The following INSL6 variants were observed in gnomAD, a reference collection of about 807,000 sequenced individuals.
INSL6 encodes insulin like 6.
Under a neutral mutation model 9.4 loss-of-function variants are expected in INSL6, and 16 were observed. The observed-to-expected ratio is 1.70, with a 90% CI of 1.15 to 2.59. INSL6 has a LOEUF of 2.59. Among genes scored for constraint, INSL6 ranks in the 30% most tolerant of loss-of-function variants. The probability of loss-of-function intolerance (pLI) is 0.00; values close to 1 mark genes in which losing one functional copy is unlikely to be tolerated. For synonymous variants in INSL6, 154 were observed against 96.9 expected, an observed-to-expected ratio of 1.59 and a Z score of -3.46; for missense variants, 391 against 257.3, an observed-to-expected ratio of 1.52 and a Z score of -3.56.
chr9:5,166,413 G>T (rs1360845183), intron 1 of INSL6, among the ~76,000 whole-genome samples: 1 of 151,942 alleles, frequency 6.6e-6, no homozygotes, highest in Non-Finnish European at 1.5e-5. Context: ...TTAAAAAGTT[G>T]CTTGTTTAAA....
At chr9:5,035,689 G>T in the INSL6 span, among the ~76,000 whole-genome samples, 1 of 152,198 alleles carries the variant, frequency 6.6e-6, no homozygotes, top group Non-Finnish European at 1.5e-5. Context: ...AACCCTTCAT[G>T]CTAAAAACTC....
chr9:5,143,235 AT>A (rs61635617), intron 2 of INSL6, among the ~76,000 whole-genome samples: 16,107 of 144,132 alleles, frequency 0.11, 2,617 homozygotes, highest in African/African-American at 0.36. Context: ...CTTCTCCTCA[AT>A]TTTTTTTTTT....
chr9:5,084,250 G>T, the INSL6 span, among the ~76,000 whole-genome samples: 1 of 152,026 alleles, frequency 6.6e-6, no homozygotes, highest in African/African-American at 2.4e-5. Flanking sequence ...ATTTTAATGT[G>T]GATATTTCCT....
At chr9:5,101,604 AGT>A in the INSL6 span, among the ~76,000 whole-genome samples, 1 of 152,250 alleles carries the variant, frequency 6.6e-6, no homozygotes, top group Non-Finnish European at 1.5e-5. Context: ...CTGTAGCCTA[AGT>A]GGGAGACACC....
chr9:5,065,003 C>G, the INSL6 span: 10,394 of 1,605,824 alleles, frequency 6.5e-3, 83 homozygotes, highest in African/African-American at 0.024. Context: ...TCCAGCCGTG[C>G]TTGAAAATAT....
At chr9:5,148,430 C>T (rs1253908275) in intron 2 of INSL6, among the ~76,000 whole-genome samples, 1 of 152,124 alleles carries the variant, frequency 6.6e-6, no homozygotes, top group South Asian at 2.1e-4. Flanking sequence ...CCCCCTCACC[C>T]GGTCGGCTCA....
intron 2 of INSL6, among the ~76,000 whole-genome samples, chr9:5,140,050 T>G (rs953869899): frequency 3.9e-5 from 6 of 152,140 alleles, no homozygotes; most frequent in Non-Finnish European, 8.8e-5. Flanking sequence ...AATAGTACAT[T>G]TCTAAAAAGA....
At chr9:5,068,855 G>C in the INSL6 span, among the ~76,000 whole-genome samples, 1 of 152,118 alleles carries the variant, frequency 6.6e-6, no homozygotes. Flanking sequence ...ATTGTAAATT[G>C]CCCTTTTGAG....
chr9:5,147,612 G>C (rs1824625872), intron 2 of INSL6, among the ~76,000 whole-genome samples: 2 of 152,204 alleles, frequency 1.3e-5, no homozygotes, highest in African/African-American at 4.8e-5. Flanking sequence ...TCTCTCTAAT[G>C]AGACTGGGGA....
the INSL6 span, among the ~76,000 whole-genome samples, chr9:5,090,193 C>G: frequency 2.0e-5 from 3 of 152,154 alleles, no homozygotes; most frequent in Non-Finnish European, 2.9e-5. Flanking sequence ...GAAGTTTTCT[C>G]ATCAGTTTAT....
chr9:5,108,037 C>G, the INSL6 span: 2 of 152,098 alleles, frequency 1.3e-5, no homozygotes, highest in African/African-American at 4.8e-5. Context: ...CCTCATCACC[C>G]TATTGTTTTT....
At chr9:5,098,311 TAA>T in the INSL6 span, 3 of 152,224 alleles carry the variant, frequency 2.0e-5, no homozygotes, top group Non-Finnish European at 2.9e-5. Flanking sequence ...TTGTCAAAGT[TAA>T]GTTATAGGCT....
chr9:5,174,340 C>T (rs1450520966), intron 1 of INSL6, among the ~76,000 whole-genome samples: 1 of 152,168 alleles, frequency 6.6e-6, no homozygotes, highest in East Asian at 1.9e-4. Context: ...TAAACCCACT[C>T]TAATCAGACT....
chr9:5,075,020 A>C, the INSL6 span, among the ~76,000 whole-genome samples: 42 of 152,086 alleles, frequency 2.8e-4, no homozygotes, highest in African/African-American at 9.9e-4. Context: ...TTCTAGATAG[A>C]AGATCAAACC....
chr9:5,007,949 G>A, the INSL6 span, among the ~76,000 whole-genome samples: 1 of 151,878 alleles, frequency 6.6e-6, no homozygotes, highest in African/African-American at 2.4e-5. Flanking sequence ...GGCTGGCCTG[G>A]AATTCCTGAC....
At chr9:5,016,547 AATGT>A in the INSL6 span, among the ~76,000 whole-genome samples, 1 of 152,232 alleles carries the variant, frequency 6.6e-6, no homozygotes, top group African/African-American at 2.4e-5. Context: ...AAAATTTAAA[AATGT>A]AAGTAAACCT....
the INSL6 span, among the ~76,000 whole-genome samples, chr9:4,999,092 TG>T: frequency 6.6e-6 from 1 of 152,184 alleles, no homozygotes; most frequent in African/African-American, 2.4e-5. Context: ...CCCAAAGTGC[TG>T]GGATTACAGG....
In INSL6 at chr9:5,175,608, G is replaced by C. The variant is rs139876259; in HGVS notation, c.289+9706C>G. 3.7e-4 allele frequency among the ~76,000 whole-genome samples: 56 copies of C among 152,290 alleles called. No homozygotes were observed. In the East Asian group the frequency reaches 6.0e-3, roughly 16 times the overall value. On this transcript the variant is annotated intron_variant, in intron 1 of 1. Transcript: ENST00000381641. ...GGAGGTAAGCAGTGGGCAGGCGAGCGAGCAAAGCTTCATCTATATTTACAG... is the reference window on the plus strand; with the variant it reads ...GGAGGTAAGCAGTGGGCAGGCGAGCCAGCAAAGCTTCATCTATATTTACAG...
the INSL6 span, among the ~76,000 whole-genome samples, chr9:5,091,999 T>G: frequency 2.0e-5 from 3 of 152,126 alleles, no homozygotes. Context: ...TACTGCCGAT[T>G]GCTAGGTGCT....
Sources: gnomAD v4.1 joint callset for allele counts (sites outside exome capture counted in the v4.1 genomes callset) on GRCh38, gnomAD v4.1.1 for gene constraint, MANE v1.5 for transcripts, NCBI Gene and HGNC (gene_info 2026-07-23, HGNC 2026-07-21) for gene names.